Variants in GALNT2 observed in about 807,000 individuals in gnomAD.
GALNT2 encodes UDP-GalNAc:polypeptide N-acetylgalactosaminyltransferase 2.
Under a neutral mutation model 81.4 loss-of-function variants are expected in GALNT2, and 31 were observed. The ratio of observed to expected loss-of-function variants is 0.38; its 90% CI spans 0.29 to 0.51. GALNT2 has a LOEUF of 0.51. Ranked by LOEUF, GALNT2 falls within the 20% of genes least tolerant of loss-of-function variation. The pLI, the probability that GALNT2 is intolerant of heterozygous loss-of-function variation, is 0.87. For synonymous variants in GALNT2, 303 were observed against 287.4 expected (o/e 1.05, Z -0.55); for missense variants, 629 against 765.7 (o/e 0.82, Z 2.11).
chr1:230,124,871 T>G (rs1481400853), intron 1 of GALNT2, among the ~76,000 whole-genome samples: 1 of 152,116 alleles, frequency 6.6e-6, no homozygotes, highest in Non-Finnish European at 1.5e-5. Flanking sequence ...CCCAGCTATG[T>G]GGTTAGTAAC....
chr1:230,134,318 AGG>A (rs1198973088), intron 1 of GALNT2, among the ~76,000 whole-genome samples: 2 of 152,084 alleles, frequency 1.3e-5, no homozygotes, highest in Non-Finnish European at 2.9e-5. Flanking sequence ...CACGTTAGCC[AGG>A]GTGGTCTCAA....
chr1:230,251,327 A>G (rs1372423383), intron 10 of GALNT2, among the ~76,000 whole-genome samples: 2 of 152,156 alleles, frequency 1.3e-5, no homozygotes, highest in Non-Finnish European at 2.9e-5. Context: ...CCTGGAGGAC[A>G]GGGGAGAAGG....
intron 1 of GALNT2, among the ~76,000 whole-genome samples, chr1:230,116,550 G>C (rs775741643): frequency 2.6e-5 from 4 of 152,154 alleles, no homozygotes; most frequent in Non-Finnish European, 4.4e-5. Flanking sequence ...TCTTAAACAA[G>C]ACTTAAAGGT....
At chr1:230,138,334 G>T (rs1661617788) in intron 1 of GALNT2, among the ~76,000 whole-genome samples, 9 of 152,060 alleles carry the variant, frequency 5.9e-5, no homozygotes. Flanking sequence ...AGACCAGCCT[G>T]GTCAACATGG....
chr1:230,082,826 A>G (rs1659777039), intron 1 of GALNT2, among the ~76,000 whole-genome samples: 1 of 152,154 alleles, frequency 6.6e-6, no homozygotes. Flanking sequence ...ATAGAGCAGG[A>G]TAAGGACAGC....
intron 7 of GALNT2, among the ~76,000 whole-genome samples, chr1:230,244,304 C>T (rs569802254): frequency 2.6e-4 from 40 of 152,106 alleles, no homozygotes; most frequent in African/African-American, 8.9e-4. Context: ...TTGTTATCTC[C>T]GTTTGACAGG....
rs760497016 is a variant in GALNT2 at position 230,243,438 on chromosome 1, G to A, written c.729+11G>A. On this transcript the variant is annotated intron_variant, in intron 7 of 15. Coordinates refer to ENST00000366672, the MANE Select transcript of GALNT2 (RefSeq NM_004481.5). The surrounding 1 kb of genome is among the most constrained non-coding windows in gnomAD (Gnocchi z 4.2). ...GAAAGGGTGGCGGAGGTGAGATGAC[G>A]GGGGCTGGGAGGGGTGTCAGGTCGT... The A allele has an allele frequency of 2.9e-5, 47 of 1,609,478 alleles. No individual in the cohort carries two copies. Among genetic ancestry groups the A allele is most frequent in the Non-Finnish European group, 3.5e-5 (41 of 1,179,584 alleles).
At chr1:230,217,364 G>A (rs1329446207) in intron 3 of GALNT2, among the ~76,000 whole-genome samples, 1 of 152,180 alleles carries the variant, frequency 6.6e-6, no homozygotes, top group Non-Finnish European at 1.5e-5. Flanking sequence ...ATCAGGGGAG[G>A]TGGCAAGGGC....
chr1:230,254,242 G>A (rs949206853), intron 10 of GALNT2, among the ~76,000 whole-genome samples: 1 of 152,204 alleles, frequency 6.6e-6, no homozygotes, highest in African/African-American at 2.4e-5. Context: ...AGGTACCTGT[G>A]TGTCACAAAA....
upstream of GALNT2, among the ~76,000 whole-genome samples, chr1:230,063,628 A>G (rs547308338): frequency 6.6e-6 from 1 of 152,336 alleles, no homozygotes; most frequent in East Asian, 1.9e-4. Context: ...AACATTGTCT[A>G]AAGTTTAATC....
intron 3 of GALNT2, among the ~76,000 whole-genome samples, chr1:230,218,680 A>G (rs538370078): frequency 2.0e-5 from 3 of 152,362 alleles, no homozygotes; most frequent in African/African-American, 7.2e-5. Flanking sequence ...GAGAAGTTAC[A>G]CAGTTGAGAT....
intron 1 of GALNT2, among the ~76,000 whole-genome samples, chr1:230,167,904 A>T (rs1572041749): frequency 6.6e-6 from 1 of 152,158 alleles, no homozygotes; most frequent in South Asian, 2.1e-4. Flanking sequence ...TTATTTTTAA[A>T]TTTTTAAAAT....
chr1:230,203,427 G>C, intron 3 of GALNT2, 137 bp downstream of exon 3: 1 of 1,023,070 alleles, frequency 9.8e-7, no homozygotes, highest in Non-Finnish European at 1.4e-6. Flanking sequence ...GAAAAATCCT[G>C]AGGTATATGG....
chr1:230,254,502 A>G (rs1467371392), intron 10 of GALNT2, among the ~76,000 whole-genome samples: 1 of 152,256 alleles, frequency 6.6e-6, no homozygotes, highest in African/African-American at 2.4e-5. Context: ...GGTCACTACC[A>G]TAGTCCATAA....
Position 230,279,883 on chromosome 1 carries a change from A to G in GALNT2, c.*425A>G, listed in dbSNP as rs918914935. On this transcript the variant is annotated 3_prime_UTR_variant, in exon 16 of 16. Coordinates refer to ENST00000366672, the MANE Select transcript of GALNT2 (RefSeq NM_004481.5). The surrounding 1 kb of genome is among the most constrained non-coding windows in gnomAD (Gnocchi z 4.6). ...AGAACTCTTGAAATCTCCATTTTCA[A>G]TCCCTTCGAAATCACGTATGGTTTC... 9 of 459,802 alleles carry G rather than the reference A, an allele frequency of 2.0e-5. No homozygotes were observed. The highest frequency in any genetic ancestry group is 4.0e-5 in the African/African-American group (2 of 50,280). The allele number at this position is 459,802 out of a possible 1,614,324, so 28.5% of individuals were successfully genotyped here. A position where few individuals can be genotyped will look rare whatever the true frequency, so the allele number is the denominator to read the frequency against.
At position 230,251,088 on chromosome 1, in the gene GALNT2, C is replaced by T. The variant is rs547836910; in HGVS notation, c.1009+528C>T. 3.9e-5 allele frequency among the ~76,000 whole-genome samples: 6 copies of T among 152,040 alleles called. No individual in the cohort carries two copies. The South Asian group carries it at 1.2e-3, about 32-fold the overall frequency. Reference sequence around the variant, plus strand: ...AATACCCCATGCAAATTATTTTTACCCAGGTTTAGGCACAGCAAAATTTTG... The same window carrying T: ...AATACCCCATGCAAATTATTTTTACTCAGGTTTAGGCACAGCAAAATTTTG... On this transcript the variant is annotated intron_variant, in intron 10 of 15. Transcript: ENST00000366672.
In GALNT2 at chr1:230,164,796, C is replaced by G. The variant is rs1045737212; in HGVS notation, c.127-13422C>G. On this transcript the variant is annotated intron_variant, in intron 1 of 15. Transcript: ENST00000366672. ...CCACCTGCCTAGGCCTACCAAAGTGCTGGGATTACAGGTGTGAGCCAGCAC... is the reference window on the plus strand; with the variant it reads ...CCACCTGCCTAGGCCTACCAAAGTGGTGGGATTACAGGTGTGAGCCAGCAC... Among the ~76,000 whole-genome samples, 5 of 152,146 alleles carry G rather than the reference C, an allele frequency of 3.3e-5. 1 individual carries two copies. The highest frequency in any genetic ancestry group is 1.2e-4 in the African/African-American group (5 of 41,430).
chr1:230,274,042 T>C (rs1666220071), intron 14 of GALNT2, among the ~76,000 whole-genome samples: 1 of 152,226 alleles, frequency 6.6e-6, no homozygotes, highest in African/African-American at 2.4e-5. Flanking sequence ...CATTCCAAAA[T>C]AGCATGGGTG....
rs940215017 is a variant in GALNT2, at chr1:230,108,595, T to G, written c.126+41189T>G. Among the ~76,000 whole-genome samples, 7 of 152,362 alleles carry G rather than the reference T, an allele frequency of 4.6e-5. No homozygotes were observed. The East Asian group carries it at 1.2e-3, about 25-fold the overall frequency. ...TGGGATCATGTCCCAGTAAAGACACTGTAAGTTGGAAACATCTGAAGTCGA... is the reference window on the plus strand; with the variant it reads ...TGGGATCATGTCCCAGTAAAGACACGGTAAGTTGGAAACATCTGAAGTCGA... On this transcript the variant is annotated intron_variant, in intron 1 of 15. Coordinates refer to ENST00000366672, the MANE Select transcript of GALNT2 (RefSeq NM_004481.5).
Sources: allele counts gnomAD v4.1 joint callset (sites outside exome capture counted in the v4.1 genomes callset), GRCh38; gene constraint gnomAD v4.1.1; non-coding constraint Gnocchi (gnomAD v3.1); transcripts MANE v1.5; gene names NCBI Gene and HGNC (gene_info 2026-07-23, HGNC 2026-07-21).